The following ANXA2 variants were observed in gnomAD, a reference collection of about 807,000 sequenced individuals.
The protein encoded by ANXA2 is annexin II.
ANXA2 carries 28 observed loss-of-function variants against 47.3 expected under a neutral mutation model. The ratio of observed to expected loss-of-function variants is 0.59; its 90% CI spans 0.44 to 0.81. The LOEUF (loss-of-function observed/expected upper bound fraction) is 0.81, where lower values mean the gene tolerates loss of function less well. ANXA2 is among the 40% of genes least tolerant of loss of function. ANXA2 has a pLI of 0.00. For missense variants in ANXA2, 384 were observed against 414.3 expected (o/e 0.93, Z 0.64); for synonymous variants, 172 against 155.5 (o/e 1.11, Z -0.79).
chr15:60,354,143 T>A lies in ANXA2; in HGVS notation c.588+11A>T, dbSNP rs1468607580. ...AAAACAAAAACTCAAAGCAAAAAGCTCAGCACTTACCCGAGCATCTTGGTC... is the reference window on the plus strand; with the variant it reads ...AAAACAAAAACTCAAAGCAAAAAGCACAGCACTTACCCGAGCATCTTGGTC... On this transcript the variant is annotated intron_variant, in intron 8 of 12. Transcript: ENST00000451270. 7 of 1,612,728 alleles carry A rather than the reference T, an allele frequency of 4.3e-6. No individual in the cohort carries two copies. Among genetic ancestry groups the A allele is most frequent in the Non-Finnish European group, 5.9e-6 (7 of 1,179,364 alleles).
chr15:60,391,315 AG>A (rs2063007173), intron 1 of ANXA2: 1 of 152,312 alleles, frequency 6.6e-6, no homozygotes, highest in Non-Finnish European at 1.5e-5. Context: ...GGATTAGTTA[AG>A]GGCTTAACAG....
intron 1 of ANXA2, among the ~76,000 whole-genome samples, chr15:60,391,645 AAAC>A (rs1384387654): frequency 6.6e-6 from 1 of 152,216 alleles, no homozygotes; most frequent in Non-Finnish European, 1.5e-5. Flanking sequence ...TTCTTACTGA[AAAC>A]AACTACTCTG....
chr15:60,374,978 G>A (rs2062758095), intron 3 of ANXA2, among the ~76,000 whole-genome samples: 2 of 152,196 alleles, frequency 1.3e-5, no homozygotes, highest in Non-Finnish European at 2.9e-5. Flanking sequence ...CGTTAGAGGA[G>A]AGAGGCTACT....
chr15:60,364,239 C>T (rs974123201), intron 4 of ANXA2, among the ~76,000 whole-genome samples, 190 bp downstream of exon 4: 3 of 152,322 alleles, frequency 2.0e-5, no homozygotes, highest in African/African-American at 7.2e-5. Context: ...CTGAGGTGCA[C>T]GCGCGCGTGC....
chr15:60,357,304 T>C (rs1393264623), intron 5 of ANXA2, 68 bp from the exon 6 acceptor site: 1 of 1,327,912 alleles, frequency 7.5e-7, no homozygotes, highest in Non-Finnish European at 1.1e-6. Context: ...TTCTCTGATC[T>C]CCATCAAGTA....
At chr15:60,361,252 A>G (rs906476542) in intron 4 of ANXA2, among the ~76,000 whole-genome samples, 198 bp from the exon 5 acceptor site, 31 of 152,206 alleles carry the variant, frequency 2.0e-4, no homozygotes, top group African/African-American at 6.5e-4. Flanking sequence ...CTTTGCTTCA[A>G]CGAAATTCCT....
At chr15:60,347,842 G>A (rs991471222) in intron 12 of ANXA2, among the ~76,000 whole-genome samples, 153 bp from the exon 13 acceptor site, 1 of 152,234 alleles carries the variant, frequency 6.6e-6, no homozygotes, top group Non-Finnish European at 1.5e-5. Flanking sequence ...GGCCTGGAAG[G>A]CCACACCCAA....
At chr15:60,378,113 A>G (rs2062806489) in intron 3 of ANXA2, among the ~76,000 whole-genome samples, 1 of 152,142 alleles carries the variant, frequency 6.6e-6, no homozygotes, top group Admixed American at 6.5e-5. Flanking sequence ...AAAAGAAAAA[A>G]AAAATGGTTG....
chr15:60,389,673 C>A (rs2062981551), intron 1 of ANXA2, among the ~76,000 whole-genome samples: 1 of 152,216 alleles, frequency 6.6e-6, no homozygotes, highest in South Asian at 2.1e-4. Flanking sequence ...TTAATCTTGT[C>A]AAAATCATTT....
intron 3 of ANXA2, among the ~76,000 whole-genome samples, chr15:60,376,089 T>C (rs2062772708): frequency 6.6e-6 from 1 of 152,044 alleles, no homozygotes. Context: ...AGAAGACAGA[T>C]GCCATAGGCC....
At position 60,376,983 on chromosome 15, in the gene ANXA2, C is replaced by T. The variant is rs535645896; in HGVS notation, c.148+5359G>A. Among the ~76,000 whole-genome samples the T allele has an allele frequency of 4.6e-5, 7 of 152,334 alleles. No individual in the cohort carries two copies. The East Asian group carries it at 7.7e-4, about 17-fold the overall frequency. On this transcript the variant is annotated intron_variant, in intron 3 of 12. Transcript: ENST00000451270. ...ACACGTGTGTACACACGGCTACCCC[C>T]GTCTAGGAGAGAAAGAGGGCCAGTC... is the stretch of plus-strand genomic sequence containing the variant.
At chr15:60,357,341 A>G (rs111780847) in intron 5 of ANXA2, 105 bp from the exon 6 acceptor site, 7 of 853,522 alleles carry the variant, frequency 8.2e-6, no homozygotes, top group Non-Finnish European at 1.3e-5. Context: ...TGGGTCTGTT[A>G]GCATCCTGCT....
intron 1 of ANXA2, among the ~76,000 whole-genome samples, chr15:60,388,355 A>T (rs1233204590): frequency 6.6e-6 from 1 of 152,148 alleles, no homozygotes; most frequent in Non-Finnish European, 1.5e-5. Context: ...ATAGTATGAA[A>T]AAATTATATA....
intron 3 of ANXA2, among the ~76,000 whole-genome samples, chr15:60,380,613 T>C (rs1370007085): frequency 1.3e-5 from 2 of 151,534 alleles, no homozygotes; most frequent in Non-Finnish European, 2.9e-5. Context: ...GAGACCAGGC[T>C]GACCAACATG....
intron 7 of ANXA2, among the ~76,000 whole-genome samples, chr15:60,354,817 G>C (rs1040609255): frequency 2.6e-5 from 4 of 152,056 alleles, no homozygotes; most frequent in Non-Finnish European, 1.5e-5. Context: ...ATGAGATTTA[G>C]CTCTTTCTCA....
intron 6 of ANXA2, among the ~76,000 whole-genome samples, chr15:60,356,716 T>C (rs1213016493): frequency 2.6e-5 from 4 of 152,210 alleles, no homozygotes; most frequent in Admixed American, 2.6e-4. Context: ...CATAGCCTTC[T>C]ATACTGCTAA....
chr15:60,366,247 C>T (rs1156846563), intron 3 of ANXA2, among the ~76,000 whole-genome samples: 2 of 151,368 alleles, frequency 1.3e-5, no homozygotes, highest in African/African-American at 4.9e-5. Flanking sequence ...GCCCAGATTG[C>T]AGCCTCTGCC....
rs760729684 is a variant in ANXA2, at chr15:60,382,326, C to T, written c.148+16G>A. 1 of 1,601,632 alleles carries T rather than the reference C, an allele frequency of 6.2e-7. No individual in the cohort carries two copies. The highest frequency in any genetic ancestry group is 8.6e-7 in the Non-Finnish European group (1 of 1,168,798). ...CAGTAAGACCCTGACAAGAAGAGGA[C>T]AAATGTATCACCTACCTTTGGTCTT... On this transcript the variant is annotated intron_variant, in intron 3 of 12. Transcript: ENST00000451270.
At chr15:60,372,151 AAATAAT>A (rs572562926) in intron 3 of ANXA2, among the ~76,000 whole-genome samples, 9 of 151,936 alleles carry the variant, frequency 5.9e-5, no homozygotes, top group African/African-American at 1.2e-4. Context: ...CTCTATCTCA[AAATAAT>A]AATAATAATA....
Sources: gnomAD v4.1 joint callset for allele counts (sites outside exome capture counted in the v4.1 genomes callset) on GRCh38, gnomAD v4.1.1 for gene constraint, MANE v1.5 for transcripts, NCBI Gene and HGNC (gene_info 2026-07-23, HGNC 2026-07-21) for gene names.